HECW2: variants seen among roughly 807,000 people sequenced by gnomAD.
HECW2 encodes the protein E3 ubiquitin-protein ligase HECW2.
A neutral mutation model predicts 175.2 loss-of-function variants in HECW2; 61 were observed. The ratio of observed to expected loss-of-function variants is 0.35; its 90% CI spans 0.28 to 0.43. HECW2 has a LOEUF of 0.43. Among genes scored for constraint, HECW2 ranks in the 20% least tolerant of loss-of-function variants. The pLI, the probability that HECW2 is intolerant of heterozygous loss-of-function variation, is 1.00. For synonymous variants in HECW2, 671 were observed against 731.0 expected (o/e 0.92, Z 1.32); for missense variants, 1,524 against 2,000.5 (o/e 0.76, Z 4.54).
At chr2:196,535,927 T>A (rs1407867399) in intron 1 of HECW2, among the ~76,000 whole-genome samples, 3 of 152,000 alleles carry the variant, frequency 2.0e-5, no homozygotes, top group Non-Finnish European at 4.4e-5. Flanking sequence ...TAAAAAAAAA[T>A]CTACCTCCAG....
chr2:196,333,680 T>C (rs539607529), intron 4 of HECW2, among the ~76,000 whole-genome samples: 1 of 152,324 alleles, frequency 6.6e-6, no homozygotes, highest in South Asian at 2.1e-4. Context: ...CAACCACCCA[T>C]ATACAGTGTA....
chr2:196,441,092 T>G (rs997603783), intron 1 of HECW2, among the ~76,000 whole-genome samples: 1 of 152,174 alleles, frequency 6.6e-6, no homozygotes, highest in African/African-American at 2.4e-5. Context: ...AACCAGCAGA[T>G]TTTGTTCAGA....
At position 196,312,645 on chromosome 2, in the gene HECW2, G is replaced by A. The variant is rs763757049; in HGVS notation, c.2435-4560C>T. ...AGGGGACTTCTAGAATGCTGATGGCGTGGCCTGCCATGTATGTTTAGTAGA... is the reference window on the plus strand; with the variant it reads ...AGGGGACTTCTAGAATGCTGATGGCATGGCCTGCCATGTATGTTTAGTAGA... On this transcript the variant is annotated intron_variant, in intron 10 of 28. Coordinates refer to ENST00000644978, the MANE Select transcript of HECW2 (RefSeq NM_001348768.2). Among the ~76,000 whole-genome samples the A allele has an allele frequency of 5.3e-5, 8 of 152,260 alleles. No homozygotes were observed. In the South Asian group the frequency reaches 6.2e-4, roughly 12 times the overall value.
chr2:196,539,288 A>G (rs773263382), intron 1 of HECW2, among the ~76,000 whole-genome samples: 5 of 152,210 alleles, frequency 3.3e-5, no homozygotes, highest in African/African-American at 1.2e-4. Flanking sequence ...TAAGGCTTAC[A>G]TGTCAGGAAA....
At position 196,438,775 on chromosome 2, in the gene HECW2, G is replaced by A. The variant is rs575908078; in HGVS notation, c.-35-5317C>T. Among the ~76,000 whole-genome samples, 29 of 152,294 alleles carry A rather than the reference G, an allele frequency of 1.9e-4. No homozygotes were observed. The East Asian group carries it at 4.4e-3, about 23-fold the overall frequency. ...CCTGTTATATGAAGACATCCAGTCCGGGGGTGGAGGGTTTTCTGGGGATAG... is the reference window on the plus strand; with the variant it reads ...CCTGTTATATGAAGACATCCAGTCCAGGGGTGGAGGGTTTTCTGGGGATAG... On this transcript the variant is annotated intron_variant, in intron 1 of 28. Coordinates refer to ENST00000644978, the MANE Select transcript of HECW2 (RefSeq NM_001348768.2).
intron 2 of HECW2, among the ~76,000 whole-genome samples, chr2:196,424,585 T>A (rs973143981): frequency 6.6e-6 from 1 of 152,126 alleles, no homozygotes; most frequent in African/African-American, 2.4e-5. Flanking sequence ...ATTATTGATA[T>A]GGAGAAAATT....
At chr2:196,420,618 G>A (rs2125245230) in intron 2 of HECW2, among the ~76,000 whole-genome samples, 1 of 152,256 alleles carries the variant, frequency 6.6e-6, no homozygotes, top group East Asian at 1.9e-4. Context: ...AGGATTTGAA[G>A]TTAAATTGTA....
chr2:196,201,195 G>A lies in HECW2; in HGVS notation c.*82C>T, dbSNP rs1484999786. 1.1e-6 allele frequency: 1 copy of A among 923,452 alleles called. No homozygotes were observed. Among genetic ancestry groups the A allele is most frequent in the Non-Finnish European group, 1.8e-6 (1 of 554,028 alleles). 57.2% of individuals were successfully genotyped at this position (923,452 alleles called of 1,614,324 possible). A position where few individuals can be genotyped will look rare whatever the true frequency, so the allele number is the denominator to read the frequency against. The stretch of plus-strand genomic sequence containing the variant: ...TTTATCCTAAAGGAAGCATCCTCTT[G>A]AAACTTCCAATGTTCAATCATTCTT... On this transcript the variant is annotated 3_prime_UTR_variant, in exon 29 of 29. Transcript: ENST00000644978.
At chr2:196,450,747 C>T (rs1696323462) in intron 1 of HECW2, among the ~76,000 whole-genome samples, 1 of 152,122 alleles carries the variant, frequency 6.6e-6, no homozygotes, top group Non-Finnish European at 1.5e-5. Context: ...TCCCAAACTG[C>T]TGGGATTACA....
At chr2:196,571,931 A>G (rs1297226762) in intron 1 of HECW2, among the ~76,000 whole-genome samples, 1 of 152,228 alleles carries the variant, frequency 6.6e-6, no homozygotes, top group Non-Finnish European at 1.5e-5. Context: ...ATATGCATAC[A>G]GTGAAATATT....
intron 2 of HECW2, among the ~76,000 whole-genome samples, chr2:196,365,979 T>C (rs1259533483): frequency 6.6e-6 from 1 of 152,212 alleles, no homozygotes; most frequent in Non-Finnish European, 1.5e-5. Flanking sequence ...AGCTTACCCA[T>C]ACTTTTGCCA....
Position 196,271,214 on chromosome 2 carries a change from A to C in HECW2, c.3314T>G (p.Leu1105Arg). The C allele has an allele frequency of 6.2e-7, 1 of 1,605,212 alleles. No individual in the cohort carries two copies. The highest frequency in any genetic ancestry group is 8.5e-7 in the Non-Finnish European group (1 of 1,171,882). Residue 1105 changes from leucine to arginine, a missense_variant, in exon 17 of 29, where the codon CTT becomes CGT. Transcript: ENST00000644978. ...TTACCTGAGTGAGTGATTCCTGGTA[A>C]GATCAGGTTGACGCTCCTGTAGAAT... is the stretch of plus-strand genomic sequence containing the variant. ...FEILQERQPD[L>R]TRNHSLREKI...
chr2:196,323,879 T>A (rs1692039366), intron 6 of HECW2, among the ~76,000 whole-genome samples: 1 of 151,168 alleles, frequency 6.6e-6, no homozygotes, highest in Admixed American at 6.6e-5. Flanking sequence ...TGCATTAGAC[T>A]AAGTGGCATG....
At chr2:196,352,866 G>A (rs964701387) in intron 2 of HECW2, among the ~76,000 whole-genome samples, 1 of 152,238 alleles carries the variant, frequency 6.6e-6, no homozygotes, top group South Asian at 2.1e-4. Flanking sequence ...AAGAGTTACA[G>A]TCATGGCCCA....
intron 2 of HECW2, among the ~76,000 whole-genome samples, chr2:196,413,540 T>C (rs1695172898): frequency 6.6e-6 from 1 of 152,036 alleles, no homozygotes; most frequent in South Asian, 2.1e-4. Context: ...CAGACAGGGT[T>C]TCAAATGTTG....
rs77664809 is a variant in HECW2, at chr2:196,377,617, C to T, written c.293-33853G>A. 4.4e-3 allele frequency among the ~76,000 whole-genome samples: 670 copies of T among 152,310 alleles called. 3 individuals carry two copies. Among genetic ancestry groups the T allele is most frequent in the Non-Finnish European group, 7.1e-3 (480 of 68,028 alleles). ...CACTTACCTCCCACTGGGTTCCTCC[C>T]ACAATACGTGGGAACTGTGGGAGCC... On this transcript the variant is annotated intron_variant, in intron 2 of 28. Coordinates refer to ENST00000644978, the MANE Select transcript of HECW2 (RefSeq NM_001348768.2).
chr2:196,373,970 T>G (rs1483002683), intron 2 of HECW2, among the ~76,000 whole-genome samples: 1 of 151,016 alleles, frequency 6.6e-6, no homozygotes, highest in African/African-American at 2.4e-5. Flanking sequence ...AGGCGGAGCT[T>G]GCAGTGAGCC....
At chr2:196,360,114 A>T (rs1477442897) in intron 2 of HECW2, among the ~76,000 whole-genome samples, 3 of 152,190 alleles carry the variant, frequency 2.0e-5, no homozygotes, top group Admixed American at 2.0e-4. Context: ...CTAAAAAAAA[A>T]TTACACAAAA....
chr2:196,367,307 T>C (rs1385009204), intron 2 of HECW2, among the ~76,000 whole-genome samples: 1 of 152,170 alleles, frequency 6.6e-6, no homozygotes, highest in Non-Finnish European at 1.5e-5. Flanking sequence ...TGTGATTCAG[T>C]AGGTATAGGA....
Sources: allele counts gnomAD v4.1 joint callset (sites outside exome capture counted in the v4.1 genomes callset), GRCh38; gene constraint gnomAD v4.1.1; transcripts MANE v1.5; gene names NCBI Gene and HGNC (gene_info 2026-07-23, HGNC 2026-07-21).